Variants in GUCY2C observed in about 807,000 individuals in gnomAD.
GUCY2C encodes the protein guanylate cyclase 2C, also known as guanylyl cyclase C.
A neutral mutation model predicts 131.1 loss-of-function variants in GUCY2C; 118 were observed. That is an observed-to-expected ratio of 0.90 (90% CI 0.78 to 1.05). GUCY2C has a LOEUF of 1.05. GUCY2C is among the 50% of genes least tolerant of loss of function. GUCY2C has a pLI of 0.00. For synonymous variants in GUCY2C, 452 were observed against 457.8 expected (o/e 0.99, Z 0.16); for missense variants, 1,161 against 1,304.4 (o/e 0.89, Z 1.69).
rs535162728 is a variant in GUCY2C at position 14,653,033 on chromosome 12, A to G, written c.1471-19T>C. The G allele has an allele frequency of 1.1e-4, 180 of 1,584,950 alleles. 3 individuals are homozygous for G. In the South Asian group the frequency reaches 1.9e-3, roughly 17 times the overall value. On this transcript the variant is annotated intron_variant, in intron 12 of 26. Transcript: ENST00000261170. ...CATCGATCTGGCACAAGAAAAGGCTAATTATTCCAGAAGCTCCATATCTCA... is the reference window on the plus strand; with the variant it reads ...CATCGATCTGGCACAAGAAAAGGCTGATTATTCCAGAAGCTCCATATCTCA...
intron 8 of GUCY2C, 82 bp downstream of exon 8, chr12:14,674,543 A>G: frequency 1.5e-6 from 2 of 1,300,284 alleles, no homozygotes; most frequent in Non-Finnish European, 1.1e-6. Context: ...ATCTATTGCT[A>G]AACCTTCTTT....
chr12:14,629,569 C>T (rs1426094593), intron 19 of GUCY2C, among the ~76,000 whole-genome samples: 1 of 152,110 alleles, frequency 6.6e-6, no homozygotes, highest in Non-Finnish European at 1.5e-5. Context: ...CTCCCTGTAA[C>T]TGGTTACAGA....
chr12:14,651,332 CTCGGTAAA>C, intron 15 of GUCY2C, 67 bp downstream of exon 15: 1 of 754,670 alleles, frequency 1.3e-6, no homozygotes. Context: ...TATTATTTTA[CTCGGTAAA>C]TATTTTAAAA....
Position 14,674,745 on chromosome 12 carries a change from CAAAG to C in GUCY2C, c.960_963del (p.Asp320GlufsTer6). The C allele has an allele frequency of 6.2e-7, 1 of 1,609,408 alleles. No homozygotes were observed. The highest frequency in any genetic ancestry group is 8.5e-7 in the Non-Finnish European group (1 of 1,177,400). On this transcript the variant is annotated frameshift_variant, in exon 8 of 27. Coordinates refer to ENST00000261170, the MANE Select transcript of GUCY2C (RefSeq NM_004963.4). LOFTEE classifies it high-confidence loss of function. ...AGGATTCCATTCAAATAGGCAAGAGCAAAGTCTCGTTTTGTCTAAATAAAAAAGG... is the reference window on the plus strand; with the variant it reads ...AGGATTCCATTCAAATAGGCAAGAGCTCTCGTTTTGTCTAAATAAAAAAGG...
chr12:14,691,652 TGAGGGACA>T (rs1948576172), intron 1 of GUCY2C, among the ~76,000 whole-genome samples: 1 of 152,106 alleles, frequency 6.6e-6, no homozygotes, highest in Non-Finnish European at 1.5e-5. Flanking sequence ...CCTACCACCA[TGAGGGACA>T]GTGAAAATGA....
chr12:14,696,558 C>T lies in GUCY2C; in HGVS notation c.-110G>A. 1 of 728,532 alleles carries T rather than the reference C, an allele frequency of 1.4e-6. No individual in the cohort carries two copies. The highest frequency in any genetic ancestry group is 2.3e-6 in the Non-Finnish European group (1 of 427,332). The allele number at this position is 728,532 out of a possible 1,614,324, so 45.1% of individuals were successfully genotyped here. A position where few individuals can be genotyped will look rare whatever the true frequency, so the allele number is the denominator to read the frequency against. On this transcript the variant is annotated 5_prime_UTR_variant, in exon 1 of 27. An upstream open reading frame in the 5' UTR gains an earlier in-frame stop. Transcript: ENST00000261170. ...ACAGCCTCTAGTGGAGTCCCTCAGC[C>T]CACTCTTCCCCACGCTTCTCTCTGG...
At chr12:14,638,161 A>G (rs1947312384) in intron 19 of GUCY2C, among the ~76,000 whole-genome samples, 1 of 152,224 alleles carries the variant, frequency 6.6e-6, no homozygotes, top group Non-Finnish European at 1.5e-5. Context: ...CAAAACCACA[A>G]TGAGCTATCA....
chr12:14,674,834 G>C (rs1592137002), intron 7 of GUCY2C, 74 bp from the exon 8 acceptor site: 6 of 1,153,268 alleles, frequency 5.2e-6, no homozygotes, highest in Non-Finnish European at 7.4e-6. Flanking sequence ...ACAAAAGGTT[G>C]TTGGGATCAG....
chr12:14,623,648 G>T (rs1018493385), intron 21 of GUCY2C, among the ~76,000 whole-genome samples: 1 of 152,202 alleles, frequency 6.6e-6, no homozygotes, highest in Non-Finnish European at 1.5e-5. Flanking sequence ...CAAATCTCAT[G>T]CTGAATTGTA....
In GUCY2C at chr12:14,622,047, A is replaced by G. The variant is rs772337794; in HGVS notation, c.2559T>C (p.Tyr853=). ...MEVVDMLNDI[Y]KSFDHIVDHH... Reference sequence around the variant, plus strand: ...GATCAACAATGTGGTCAAAACTCTTATAGATGTCATTAAGCATGTCCACCA... The same window carrying G: ...GATCAACAATGTGGTCAAAACTCTTGTAGATGTCATTAAGCATGTCCACCA... Residue 853 remains tyrosine (Y), a synonymous_variant, in exon 22 of 27, where the codon TAT becomes TAC. Coordinates refer to ENST00000261170, the MANE Select transcript of GUCY2C (RefSeq NM_004963.4). 2 of 1,609,934 alleles carry G rather than the reference A, an allele frequency of 1.2e-6. No homozygotes were observed. Among genetic ancestry groups the G allele is most frequent in the Non-Finnish European group, 8.5e-7 (1 of 1,178,594 alleles).
At chr12:14,689,656 C>A (rs562704508) in intron 1 of GUCY2C, among the ~76,000 whole-genome samples, 34 of 152,218 alleles carry the variant, frequency 2.2e-4, no homozygotes, top group African/African-American at 7.5e-4. Context: ...TATCTCATCC[C>A]AAACCAATTG....
chr12:14,625,810 C>G lies in GUCY2C; in HGVS notation c.2355G>C (p.Leu785=), dbSNP rs55708355. ...LEHLVEERTQ[L]YKAERDRADR... is the part of the protein sequence containing the mutation. ...CAGCCCTGTCCCTCTCTGCCTTGTA[C>G]AGCTGTGTCCTTTCCTCTACCAGAT... is the stretch of plus-strand genomic sequence containing the variant. The change falls in exon 21 of 27, where the codon CTG becomes CTC. Residue 785 remains leucine, a synonymous_variant. Coordinates refer to ENST00000261170, the MANE Select transcript of GUCY2C (RefSeq NM_004963.4). 4,304 of 1,613,878 alleles carry G rather than the reference C, an allele frequency of 2.7e-3. 115 individuals carry two copies. The African/African-American group carries it at 0.051, about 19-fold the overall frequency.
At chr12:14,615,191 CT>C in intron 25 of GUCY2C, among the ~76,000 whole-genome samples, 1 of 151,992 alleles carries the variant, frequency 6.6e-6, no homozygotes, top group East Asian at 1.9e-4. Context: ...GTAGAGTTTT[CT>C]TTTTTTTCCC....
intron 15 of GUCY2C, among the ~76,000 whole-genome samples, chr12:14,645,787 C>T (rs1437156269): frequency 6.8e-6 from 1 of 147,060 alleles, no homozygotes; most frequent in African/African-American, 2.5e-5. Context: ...TAAGAGAGAT[C>T]TTGGATTTTT....
intron 25 of GUCY2C, among the ~76,000 whole-genome samples, chr12:14,615,322 T>A (rs1222567215): frequency 6.6e-6 from 1 of 152,100 alleles, no homozygotes; most frequent in East Asian, 1.9e-4. Flanking sequence ...TTGTCCATAT[T>A]TCCTTCTAGC....
chr12:14,658,580 G>A lies in GUCY2C; in HGVS notation c.1365-1963C>T, dbSNP rs192090909. On this transcript the variant is annotated intron_variant, in intron 11 of 26. Transcript: ENST00000261170. ...AATTGTACCTACTAGTGAGGCCAAGGCACGAGAATTGCTTGAACCCAGGAG... is the reference window on the plus strand; with the variant it reads ...AATTGTACCTACTAGTGAGGCCAAGACACGAGAATTGCTTGAACCCAGGAG... 5.0e-3 allele frequency among the ~76,000 whole-genome samples: 768 copies of A among 152,306 alleles called. 2 individuals carry two copies. Among genetic ancestry groups the A allele is most frequent in the Non-Finnish European group, 8.5e-3 (577 of 68,034 alleles).
intron 1 of GUCY2C, among the ~76,000 whole-genome samples, chr12:14,692,272 A>G (rs985981704): frequency 6.6e-6 from 1 of 152,242 alleles, no homozygotes; most frequent in Non-Finnish European, 1.5e-5. Context: ...GTAGAAGCCA[A>G]TATGAGAATA....
intron 10 of GUCY2C, among the ~76,000 whole-genome samples, chr12:14,663,377 G>A (rs182816552): frequency 6.6e-6 from 1 of 152,238 alleles, no homozygotes; most frequent in Admixed American, 6.5e-5. Context: ...CCACCCTCCA[G>A]GTTCAAAGAT....
chr12:14,689,912 C>G (rs960456175), intron 1 of GUCY2C, among the ~76,000 whole-genome samples: 1 of 152,208 alleles, frequency 6.6e-6, no homozygotes, highest in Admixed American at 6.5e-5. Context: ...ACCCACACTT[C>G]TCACATGAAA....
Sources: gnomAD v4.1 joint callset for allele counts (sites outside exome capture counted in the v4.1 genomes callset) on GRCh38, gnomAD v4.1.1 for gene constraint, MANE v1.5 for transcripts, NCBI Gene and HGNC (gene_info 2026-07-23, HGNC 2026-07-21) for gene names.